Variants in NCAM1 observed in about 807,000 individuals in gnomAD.
NCAM1 encodes neural cell adhesion molecule 1.
Under a neutral mutation model 109.8 loss-of-function variants are expected in NCAM1, and 14 were observed. That is an observed-to-expected ratio of 0.13 (90% CI 0.08 to 0.20). NCAM1 has a LOEUF of 0.20. Ranked by LOEUF, NCAM1 falls within the 10% of genes least tolerant of loss-of-function variation. NCAM1 has a pLI of 1.00. For synonymous variants in NCAM1, 418 were observed against 442.9 expected (o/e 0.94, Z 0.70); for missense variants, 774 against 1,109.9 (o/e 0.70, Z 4.30).
chr11:113,176,798 A>C (rs1196281692), intron 1 of NCAM1, among the ~76,000 whole-genome samples: 2 of 152,128 alleles, frequency 1.3e-5, no homozygotes, highest in African/African-American at 4.8e-5. Context: ...ACAAATTCCT[A>C]AAGGCAAATA....
chr11:113,244,856 G>T (rs782303601), intron 14 of NCAM1, among the ~76,000 whole-genome samples: 13 of 152,160 alleles, frequency 8.5e-5, no homozygotes, highest in Non-Finnish European at 1.6e-4. Flanking sequence ...ACGGTGGCAA[G>T]GGAAGAGGTA....
intron 14 of NCAM1, among the ~76,000 whole-genome samples, chr11:113,244,652 TGC>T (rs1555119801): frequency 2.5e-4 from 12 of 48,244 alleles, no homozygotes; most frequent in East Asian, 6.3e-4. Context: ...TCTGTGTGTG[TGC>T]GTGTGTGTGT....
In NCAM1 at chr11:113,206,963, A is replaced by T. The variant is rs536845120; in HGVS notation, c.629-298A>T. 1.8e-4 allele frequency among the ~76,000 whole-genome samples: 27 copies of T among 152,364 alleles called. 1 individual carries two copies. In the South Asian group the frequency reaches 5.6e-3, roughly 32 times the overall value. On this transcript the variant is annotated intron_variant, in intron 5 of 19. Coordinates refer to ENST00000316851, the MANE Select transcript of NCAM1 (RefSeq NM_181351.5). ...AAGTTTAGTATGCATTGACTGAGAA[A>T]ATACATAATGAAGAATAGTGACTAT...
At chr11:113,047,620 C>G (rs533302504) in intron 1 of NCAM1, among the ~76,000 whole-genome samples, 1 of 152,100 alleles carries the variant, frequency 6.6e-6, no homozygotes, top group Non-Finnish European at 1.5e-5. Flanking sequence ...TCTATTCTCA[C>G]GCTGCTATAA....
At chr11:113,207,207 A>C in intron 5 of NCAM1, 54 bp from the exon 6 acceptor site, 1 of 1,458,918 alleles carries the variant, frequency 6.9e-7, no homozygotes, top group Non-Finnish European at 9.6e-7. Context: ...TCTCCAGGCC[A>C]TTGGGTTCTT....
intron 1 of NCAM1, among the ~76,000 whole-genome samples, chr11:113,154,742 G>C (rs1040271548): frequency 6.6e-6 from 1 of 152,200 alleles, no homozygotes; most frequent in Non-Finnish European, 1.5e-5. Flanking sequence ...AAGGAAGAAG[G>C]CATCTGCTGA....
rs180714694 is a variant in NCAM1 at position 113,067,974 on chromosome 11, A to G, written c.52+106310A>G. Among the ~76,000 whole-genome samples the G allele has an allele frequency of 4.5e-3, 655 of 145,778 alleles. 15 individuals are homozygous for G. Among genetic ancestry groups the G allele is most frequent in the Non-Finnish European group, 2.4e-3 (161 of 67,408 alleles). On this transcript the variant is annotated intron_variant, in intron 1 of 19. Transcript: ENST00000316851. ...CACCCAGGCTGAAGTGCAGTGGCGC[A>G]ATCTCGGCTCACTGCAAGCTCTGCC...
intron 1 of NCAM1, among the ~76,000 whole-genome samples, chr11:113,087,371 A>G (rs1939137065): frequency 6.6e-6 from 1 of 152,232 alleles, no homozygotes; most frequent in Non-Finnish European, 1.5e-5. Flanking sequence ...AAAGCAAAAG[A>G]GCCTAAAGTA....
intron 13 of NCAM1, 71 bp from the exon 14 acceptor site, chr11:113,234,962 C>G: frequency 6.7e-7 from 1 of 1,482,750 alleles, no homozygotes. Context: ...AGGACCCTCC[C>G]TACTGTTTTT....
chr11:113,205,406 C>A, intron 3 of NCAM1, 117 bp from the exon 4 acceptor site: 2 of 1,338,818 alleles, frequency 1.5e-6, no homozygotes, highest in Non-Finnish European at 2.0e-6. Flanking sequence ...TCTTATACAA[C>A]TGTACATCAG....
At chr11:113,199,829 T>TAAA (rs1555111558) in intron 1 of NCAM1, among the ~76,000 whole-genome samples, 2 of 115,770 alleles carry the variant, frequency 1.7e-5, no homozygotes. Context: ...GAAACACCCT[T>TAAA]AAAAAAAAAA....
intron 15 of NCAM1, among the ~76,000 whole-genome samples, chr11:113,253,364 G>A (rs1291067141): frequency 1.4e-4 from 21 of 152,146 alleles, no homozygotes; most frequent in Admixed American, 4.6e-4. Context: ...GCTGAAAGTC[G>A]TGAATTTTGT....
intron 9 of NCAM1, chr11:113,231,323 C>T: frequency 6.5e-7 from 1 of 1,531,676 alleles, no homozygotes; most frequent in South Asian, 1.2e-5. Flanking sequence ...GGAGGCTTTG[C>T]TTCCATTTTA....
intron 1 of NCAM1, 53 bp downstream of exon 1, chr11:112,961,717 T>C: frequency 8.9e-7 from 1 of 1,125,992 alleles, no homozygotes; most frequent in Non-Finnish European, 1.3e-6. Flanking sequence ...TACCCCTTCC[T>C]CCTACTCCTA....
chr11:113,271,916 AC>A, intron 19 of NCAM1, 40 bp downstream of exon 19: 1 of 1,456,276 alleles, frequency 6.9e-7, no homozygotes, highest in Non-Finnish European at 9.3e-7. Flanking sequence ...CTCCGTAGAG[AC>A]CCCCACACCC....
At chr11:113,126,130 TG>T (rs1941165149) in intron 1 of NCAM1, among the ~76,000 whole-genome samples, 1 of 146,510 alleles carries the variant, frequency 6.8e-6, no homozygotes, top group Admixed American at 7.0e-5. Context: ...GCACTTCAGC[TG>T]GGTGACAGAG....
At chr11:113,156,554 G>A (rs545221637) in intron 1 of NCAM1, among the ~76,000 whole-genome samples, 62 of 152,112 alleles carry the variant, frequency 4.1e-4, no homozygotes, top group Admixed American at 7.9e-4. Context: ...CATGAGAAAG[G>A]CTCTCAGAAA....
At chr11:113,152,211 A>G (rs1215723562) in intron 1 of NCAM1, among the ~76,000 whole-genome samples, 3 of 152,196 alleles carry the variant, frequency 2.0e-5, no homozygotes, top group Admixed American at 1.3e-4. Flanking sequence ...TACTTCTTTG[A>G]TGTACCCCAT....
intron 14 of NCAM1, among the ~76,000 whole-genome samples, chr11:113,237,621 TG>T (rs1354836765): frequency 6.6e-6 from 1 of 152,232 alleles, no homozygotes; most frequent in Non-Finnish European, 1.5e-5. Context: ...GATCTTCCCC[TG>T]ATCTTTAACT....
Sources: gnomAD v4.1 joint callset for allele counts (sites outside exome capture counted in the v4.1 genomes callset) on GRCh38, gnomAD v4.1.1 for gene constraint, MANE v1.5 for transcripts, NCBI Gene and HGNC (gene_info 2026-07-23, HGNC 2026-07-21) for gene names.